DLC1: variants seen among roughly 807,000 people sequenced by gnomAD.
The protein encoded by DLC1 is rho GTPase-activating protein 7.
DLC1 carries 54 observed loss-of-function variants against 140.3 expected under a neutral mutation model. The observed-to-expected ratio is 0.38, with a 90% CI of 0.31 to 0.48. DLC1 has a LOEUF of 0.48. Among genes scored for constraint, DLC1 ranks in the 20% least tolerant of loss-of-function variants. The probability of loss-of-function intolerance (pLI) is 0.96; values close to 1 mark genes in which losing one functional copy is unlikely to be tolerated. For missense variants in DLC1, 2,536 were observed against 1,907.0 expected, an observed-to-expected ratio of 1.33 and a Z score of -6.14; for synonymous variants, 986 against 728.1, an observed-to-expected ratio of 1.35 and a Z score of -5.70.
At position 13,370,744 on chromosome 8, in the gene DLC1, G is replaced by T. The variant is rs560757057; in HGVS notation, c.1314+22809C>A. Among the ~76,000 whole-genome samples the T allele has an allele frequency of 1.6e-4, 24 of 152,174 alleles. No individual in the cohort carries two copies. In the South Asian group the frequency reaches 5.0e-3, roughly 32 times the overall value. ...CTACGTTCTTAGGTTTTCTTTCTGG[G>T]GTGGCAAGATGTGTACAGCATCCCA... On this transcript the variant is annotated intron_variant, in intron 4 of 17. Coordinates refer to ENST00000276297, the MANE Select transcript of DLC1 (RefSeq NM_182643.3).
chr8:13,504,681 A>G (rs1367341800), intron 1 of DLC1, among the ~76,000 whole-genome samples: 1 of 152,208 alleles, frequency 6.6e-6, no homozygotes, highest in Non-Finnish European at 1.5e-5. Flanking sequence ...CAGATTTGTC[A>G]AAAGTAACAG....
At chr8:13,317,311 T>C (rs1314402267) in intron 4 of DLC1, among the ~76,000 whole-genome samples, 1 of 152,212 alleles carries the variant, frequency 6.6e-6, no homozygotes, top group Non-Finnish European at 1.5e-5. Context: ...CTGAATTGCT[T>C]CAATACTAAT....
rs367679746 is a variant in DLC1 at position 13,086,396 on chromosome 8, C to A, written c.4360G>T (p.Ala1454Ser). ...LLLTSVDHDRAPVVGVRVNVL... is the reference protein window; with the variant it reads ...LLLTSVDHDRSPVVGVRVNVL... ...TTAACCCTCACACCCACCACAGGTG[C>A]GCGATCGTGATCCACAGAGGTTAGT... Residue 1454 changes from alanine to serine, a missense_variant, in exon 17 of 18, where the codon GCA (alanine) becomes TCA (serine). By Grantham distance (99) the Ala-to-Ser change is moderately conservative. Coordinates refer to ENST00000276297, the MANE Select transcript of DLC1 (RefSeq NM_182643.3). The A allele has an allele frequency of 9.3e-6, 15 of 1,614,106 alleles. No homozygotes were observed. The highest frequency in any genetic ancestry group is 2.2e-5 in the South Asian group (2 of 91,090).
rs886134643 is a variant in DLC1, at chr8:13,574,409, C to T, written c.-126+30128G>A. ...TCAAACTTAATATATGTTTTTTGCC[C>T]TTGAATATATTCAAAGGGGGTTGGA... On this transcript the variant is annotated intron_variant, in intron 1 of 1. Transcript: ENST00000631382. Among the ~76,000 whole-genome samples the T allele has an allele frequency of 2.6e-5, 4 of 151,848 alleles. No individual in the cohort carries two copies. In the East Asian group the frequency reaches 5.8e-4, roughly 22 times the overall value.
At chr8:13,422,632 T>C (rs1838370538) in intron 2 of DLC1, among the ~76,000 whole-genome samples, 2 of 152,244 alleles carry the variant, frequency 1.3e-5, no homozygotes, top group Admixed American at 6.5e-5. Flanking sequence ...GTCACTTCTT[T>C]CATTAGTTCT....
intron 5 of DLC1, among the ~76,000 whole-genome samples, chr8:13,128,495 G>T (rs1009838593): frequency 4.6e-5 from 7 of 152,308 alleles, no homozygotes; most frequent in Admixed American, 3.3e-4. Context: ...CTCCGTAAGG[G>T]CCACAATAGA....
rs187943831 is a variant in DLC1 at position 13,546,316 on chromosome 8, C to G, written c.-125-46120G>C. On this transcript the variant is annotated intron_variant, in intron 1 of 1. Coordinates refer to the DLC1 transcript ENST00000631382. ...GACCAAGATTTCGGTAATTTGTTTTCTTTTAATCAGTTGCAATGTCAAATA... is the reference window on the plus strand; with the variant it reads ...GACCAAGATTTCGGTAATTTGTTTTGTTTTAATCAGTTGCAATGTCAAATA... 3.9e-5 allele frequency among the ~76,000 whole-genome samples: 6 copies of G among 152,082 alleles called. 1 individual carries two copies. Among genetic ancestry groups the G allele is most frequent in the Admixed American group, 3.9e-4 (6 of 15,258 alleles).
At chr8:13,479,039 C>T (rs1800564871) in intron 2 of DLC1, among the ~76,000 whole-genome samples, 1 of 152,162 alleles carries the variant, frequency 6.6e-6, no homozygotes, top group African/African-American at 2.4e-5. Flanking sequence ...TCTAGGATTC[C>T]ACTCTGATTC....
chr8:13,567,701 C>G, intron 1 of DLC1: 1 of 1,551,974 alleles, frequency 6.4e-7, no homozygotes, highest in Non-Finnish European at 8.7e-7. Context: ...CATCTTCATA[C>G]CAAAGACTTT....
intron 2 of DLC1, among the ~76,000 whole-genome samples, chr8:13,427,220 G>C (rs1838632347): frequency 6.6e-6 from 1 of 152,096 alleles, no homozygotes; most frequent in South Asian, 2.1e-4. Context: ...TTCCCAAACT[G>C]TCATTGACTA....
At chr8:13,196,651 G>A (rs1827076906) in intron 5 of DLC1, among the ~76,000 whole-genome samples, 1 of 152,192 alleles carries the variant, frequency 6.6e-6, no homozygotes, top group Admixed American at 6.5e-5. Flanking sequence ...CTGGAAACAA[G>A]TTCTCCAGGG....
intron 2 of DLC1, among the ~76,000 whole-genome samples, chr8:13,473,536 T>C (rs1800307440): frequency 6.6e-6 from 1 of 152,156 alleles, no homozygotes. Context: ...TATTTGGAAC[T>C]GGGTAACGGG....
intron 5 of DLC1, among the ~76,000 whole-genome samples, chr8:13,247,077 C>A (rs775226488): frequency 2.0e-5 from 3 of 152,128 alleles, no homozygotes; most frequent in African/African-American, 7.2e-5. Flanking sequence ...TCACCTATTG[C>A]CCAGAAAGAA....
chr8:13,318,012 C>T lies in DLC1; in HGVS notation c.1315-12710G>A, dbSNP rs1251565064. Among the ~76,000 whole-genome samples the T allele has an allele frequency of 1.3e-5, 2 of 151,930 alleles. 1 individual carries two copies. Among genetic ancestry groups the T allele is most frequent in the South Asian group, 4.2e-4 (2 of 4,812 alleles). Reference sequence around the variant, plus strand: ...TTGGCACTTATTAACTTATTAATAACCTTTTTAAATTAAATTAGGTTTATT... The same window carrying T: ...TTGGCACTTATTAACTTATTAATAATCTTTTTAAATTAAATTAGGTTTATT... On this transcript the variant is annotated intron_variant, in intron 4 of 17. Coordinates refer to ENST00000276297, the MANE Select transcript of DLC1 (RefSeq NM_182643.3).
At chr8:13,461,806 G>T (rs1334441100) in intron 2 of DLC1, among the ~76,000 whole-genome samples, 1 of 152,076 alleles carries the variant, frequency 6.6e-6, no homozygotes, top group East Asian at 1.9e-4. Flanking sequence ...CCTCTCTGAT[G>T]CCGATGCTCT....
chr8:13,360,443 C>G (rs1001969613), intron 4 of DLC1, among the ~76,000 whole-genome samples: 5 of 152,072 alleles, frequency 3.3e-5, no homozygotes, highest in Non-Finnish European at 5.9e-5. Flanking sequence ...TCTAAGCTAC[C>G]CATTTCCTCT....
intron 4 of DLC1, among the ~76,000 whole-genome samples, chr8:13,357,498 C>T (rs946667866): frequency 2.6e-5 from 4 of 152,216 alleles, no homozygotes; most frequent in Non-Finnish European, 5.9e-5. Context: ...ATGACCCAAA[C>T]AGATTAAAGG....
chr8:13,388,865 C>A (rs1364704431), intron 4 of DLC1, among the ~76,000 whole-genome samples: 1 of 151,954 alleles, frequency 6.6e-6, no homozygotes, highest in Non-Finnish European at 1.5e-5. Context: ...GAGGAGCCAG[C>A]CATTTTTTTT....
At chr8:13,541,612 C>T (rs1329755016) in intron 1 of DLC1, among the ~76,000 whole-genome samples, 1 of 152,124 alleles carries the variant, frequency 6.6e-6, no homozygotes, top group African/African-American at 2.4e-5. Context: ...TGCAGTGGCG[C>T]GATCTCGGCT....
Sources: gnomAD v4.1 joint callset for allele counts (sites outside exome capture counted in the v4.1 genomes callset) on GRCh38, gnomAD v4.1.1 for gene constraint, MANE v1.5 for transcripts, NCBI Gene and HGNC (gene_info 2026-07-23, HGNC 2026-07-21) for gene names.